Variants in HFM1 observed in about 807,000 individuals in gnomAD.
The protein encoded by HFM1 is helicase for meiosis 1.
In HFM1, 169 loss-of-function variants were observed where a neutral mutation model predicts 192.1. The observed-to-expected ratio is 0.88, with a 90% confidence interval of 0.78 to 1.00. The LOEUF (loss-of-function observed/expected upper bound fraction) is 1.00. HFM1 is among the 50% of genes least tolerant of loss of function. The pLI is 0.00. For synonymous variants in HFM1, 525 were observed against 537.8 expected, an observed-to-expected ratio of 0.98 and a Z score of 0.33; for missense variants, 1,661 against 1,668.0, an observed-to-expected ratio of 1.00 and a Z score of 0.07.
At chr1:91,369,961 A>G (rs1659935226) in intron 13 of HFM1, among the ~76,000 whole-genome samples, 1 of 152,152 alleles carries the variant, frequency 6.6e-6, no homozygotes, top group Non-Finnish European at 1.5e-5. Flanking sequence ...TACTATAAAC[A>G]CCTCTACGCA....
intron 20 of HFM1, among the ~76,000 whole-genome samples, chr1:91,342,158 C>T (rs1429559298): frequency 8.0e-6 from 1 of 124,934 alleles, no homozygotes; most frequent in East Asian, 2.4e-4. Context: ...AAAATTCAGG[C>T]GAATATTCCT....
chr1:91,360,388 T>C (rs1277045214), intron 13 of HFM1, among the ~76,000 whole-genome samples: 4 of 151,692 alleles, frequency 2.6e-5, no homozygotes, highest in African/African-American at 9.7e-5. Context: ...AAAGCAAGGG[T>C]TGCAATCCTA....
At chr1:91,329,636 C>A in intron 20 of HFM1, 1 of 714,052 alleles carries the variant, frequency 1.4e-6, no homozygotes, top group Non-Finnish European at 2.3e-6. Context: ...GTTTTTCTAG[C>A]GTGACCCTTT....
At chr1:91,360,379 A>G (rs1658333737) in intron 13 of HFM1, among the ~76,000 whole-genome samples, 1 of 152,208 alleles carries the variant, frequency 6.6e-6, no homozygotes, top group African/African-American at 2.4e-5. Context: ...AAACAGAAAA[A>G]AGCAAGGGTT....
intron 4 of HFM1, 151 bp from the exon 5 acceptor site, chr1:91,385,985 G>C: frequency 3.2e-6 from 2 of 632,574 alleles, no homozygotes; most frequent in East Asian, 5.4e-5. Flanking sequence ...AATATAACTT[G>C]CTAGTTTACC....
intron 11 of HFM1, among the ~76,000 whole-genome samples, chr1:91,377,253 AAAC>A (rs1259119973): frequency 6.6e-6 from 1 of 151,932 alleles, no homozygotes; most frequent in African/African-American, 2.4e-5. Flanking sequence ...AATATGAACA[AAAC>A]AAGTTGTCAT....
chr1:91,314,511 G>A (rs1257507574), intron 28 of HFM1, among the ~76,000 whole-genome samples: 3 of 152,084 alleles, frequency 2.0e-5, no homozygotes, highest in Non-Finnish European at 4.4e-5. Context: ...TCCTGCCTCA[G>A]CCTCTCAAAG....
At chr1:91,296,047 T>C (rs182122052) in intron 30 of HFM1, among the ~76,000 whole-genome samples, 23 of 152,114 alleles carry the variant, frequency 1.5e-4, no homozygotes, top group African/African-American at 5.5e-4. Context: ...ACCTCCCGAG[T>C]AGCTGGGACT....
chr1:91,321,199 T>C (rs79083434), intron 23 of HFM1, among the ~76,000 whole-genome samples: 1 of 152,216 alleles, frequency 6.6e-6, no homozygotes, highest in African/African-American at 2.4e-5. Flanking sequence ...CCCAGCACTT[T>C]GGGAGGCCGA....
intron 4 of HFM1, among the ~76,000 whole-genome samples, chr1:91,389,799 A>T (rs1043692568): frequency 1.3e-5 from 2 of 152,208 alleles, no homozygotes; most frequent in East Asian, 3.9e-4. Context: ...GGATGGCTAT[A>T]ATAAAAAAGA....
At position 91,375,697 on chromosome 1, in the gene HFM1, G is replaced by A. The variant is rs758280394; in HGVS notation, c.1426C>T (p.Pro476Ser). 1.9e-6 allele frequency: 3 copies of A among 1,613,162 alleles called. No individual in the cohort carries two copies. The South Asian group carries it at 3.3e-5, about 18-fold the overall frequency. Residue 476 changes from proline to serine, a missense_variant, in exon 12 of 39, where the codon CCA becomes TCA. By Grantham distance (74) the Pro-to-Ser change is moderately conservative (BLOSUM62 -1). Coordinates refer to ENST00000370425, the MANE Select transcript of HFM1 (RefSeq NM_001017975.6). The stretch of plus-strand genomic sequence containing the variant: ...TCATCCATTTTCAGACACACAGCTG[G>A]TCTTTCACCATCTGAAAGCCATTCT... ...IAEWLSDGER[P>S]AVCLKMDESH...
intron 20 of HFM1, chr1:91,328,848 C>A: frequency 1.2e-6 from 2 of 1,610,526 alleles, no homozygotes; most frequent in Non-Finnish European, 1.7e-6. Flanking sequence ...CTTGATGCAC[C>A]CATCGAGGCA....
chr1:91,347,599 T>C (rs1342138089), intron 18 of HFM1, 123 bp from the exon 19 acceptor site: 4 of 481,044 alleles, frequency 8.3e-6, no homozygotes, highest in Non-Finnish European at 1.1e-5. Context: ...TCTCAGCTGA[T>C]TGAGTTCAAA....
intron 30 of HFM1, among the ~76,000 whole-genome samples, chr1:91,298,743 A>C (rs1232081053): frequency 6.6e-6 from 1 of 152,152 alleles, no homozygotes; most frequent in African/African-American, 2.4e-5. Flanking sequence ...ATGCTGAGAG[A>C]TTTTTGTCAC....
chr1:91,268,997 TTG>T (rs1666024820), intron 34 of HFM1, among the ~76,000 whole-genome samples: 1 of 152,162 alleles, frequency 6.6e-6, no homozygotes, highest in African/African-American at 2.4e-5. Flanking sequence ...TCTCAATTTT[TTG>T]TGTTATTCAC....
intron 13 of HFM1, among the ~76,000 whole-genome samples, chr1:91,373,112 A>G (rs1407307673): frequency 3.3e-5 from 5 of 150,362 alleles, no homozygotes; most frequent in Admixed American, 6.7e-5. Flanking sequence ...GTAATTCTTT[A>G]ATAGACTATC....
In HFM1 at chr1:91,332,729, T is replaced by C. The variant is rs899805784; in HGVS notation, c.2336-7963A>G. Reference sequence around the variant, plus strand: ...ACAAAAGATTAATAATTAGAATATATAAGGAGCTCAAACAACTCTACAGGA... The same window carrying C: ...ACAAAAGATTAATAATTAGAATATACAAGGAGCTCAAACAACTCTACAGGA... On this transcript the variant is annotated intron_variant, in intron 20 of 38. Coordinates refer to ENST00000370425, the MANE Select transcript of HFM1 (RefSeq NM_001017975.6). Among the ~76,000 whole-genome samples, 38 of 151,982 alleles carry C rather than the reference T, an allele frequency of 2.5e-4. 1 individual carries two copies. The highest frequency in any genetic ancestry group is 9.2e-4 in the African/African-American group (38 of 41,416).
At chr1:91,404,616 G>A (rs1441743189) in intron 1 of HFM1, 182 bp downstream of exon 1, 17 of 258,098 alleles carry the variant, frequency 6.6e-5, no homozygotes, top group African/African-American at 3.6e-4. Context: ...AGGCGCTGGC[G>A]CGGGCCGGCG....
At chr1:91,394,498 TATGAA>T (rs1474331990) in intron 3 of HFM1, 96 bp from the exon 4 acceptor site, 2 of 735,946 alleles carry the variant, frequency 2.7e-6, no homozygotes, top group Non-Finnish European at 4.4e-6. Flanking sequence ...CCAAGTTAAG[TATGAA>T]AGCCAAAAGC....
Sources: allele counts gnomAD v4.1 joint callset (sites outside exome capture counted in the v4.1 genomes callset), GRCh38; gene constraint gnomAD v4.1.1; transcripts MANE v1.5; gene names NCBI Gene and HGNC (gene_info 2026-07-23, HGNC 2026-07-21).